Variants in ESPL1 observed in about 807,000 individuals in gnomAD.
ESPL1 encodes separin.
A neutral mutation model predicts 217.2 loss-of-function variants in ESPL1; 50 were observed. The ratio of observed to expected loss-of-function variants is 0.23; its 90% CI spans 0.18 to 0.29. ESPL1 has a LOEUF of 0.29. Ranked by LOEUF, ESPL1 falls within the 10% of genes least tolerant of loss-of-function variation. The pLI is 1.00. For synonymous variants in ESPL1, 994 were observed against 1,081.3 expected (o/e 0.92, Z 1.58); for missense variants, 1,834 against 2,603.0 (o/e 0.70, Z 6.43).
In ESPL1 at chr12:53,274,973, G is replaced by A; in HGVS notation, c.1663G>A (p.Asp555Asn). The change falls in exon 7 of 31, where the codon GAT (aspartate) becomes AAT (asparagine). Residue 555 changes from aspartate to asparagine, a missense_variant. This residue lies in a region of ESPL1 where 746 missense variants were observed against 1,077.0 expected (regional missense o/e 0.69). Transcript: ENST00000257934. ...CACTTTCTGGGTTCGGGTCAAGATGGATGCGGCCAGGGCTGGAGACAAGGA... is the reference window on the plus strand; with the variant it reads ...CACTTTCTGGGTTCGGGTCAAGATGAATGCGGCCAGGGCTGGAGACAAGGA... ...PVTFWVRVKM[D>N]AARAGDKELQ... 1 of 1,575,246 alleles carries A rather than the reference G, an allele frequency of 6.3e-7. No homozygotes were observed.
Position 53,286,156 on chromosome 12 carries a change from G to A in ESPL1, c.3420G>A (p.Leu1140=), listed in dbSNP as rs1210397166. The stretch of plus-strand genomic sequence containing the variant: ...AGCCCCAGCCCATACCCAACTTCCT[G>A]TCCCATTCACCCACCTGTGACTGCT... ...KTKPQPIPNF[L]SHSPTCDCSL... is the part of the protein sequence containing the mutation. Residue 1140 remains leucine, a synonymous_variant, in exon 18 of 31, where the codon CTG becomes CTA. Coordinates refer to ENST00000257934, the MANE Select transcript of ESPL1 (RefSeq NM_012291.5). The surrounding 1 kb of genome is among the most constrained non-coding windows in gnomAD (Gnocchi z 5.3). 6.2e-7 allele frequency: 1 copy of A among 1,614,212 alleles called. No homozygotes were observed. Among genetic ancestry groups the A allele is most frequent in the Admixed American group, 1.7e-5 (1 of 60,022 alleles).
intron 7 of ESPL1, among the ~76,000 whole-genome samples, chr12:53,276,213 A>G (rs991117339): frequency 6.6e-6 from 1 of 152,210 alleles, no homozygotes; most frequent in East Asian, 1.9e-4. Flanking sequence ...CTAAAAAAAA[A>G]CAAACAAAAA....
At chr12:53,270,520 T>C (rs562850739) in intron 4 of ESPL1, 38 bp downstream of exon 4, 43 of 1,574,520 alleles carry the variant, frequency 2.7e-5, no homozygotes, top group Middle Eastern at 1.7e-4. Flanking sequence ...ACTAGGCTCA[T>C]AGGGTTTGGG....
rs2120870903 is a variant in ESPL1, at chr12:53,269,675, C to G, written c.733C>G (p.Pro245Ala). Residue 245 changes from proline to alanine, a missense_variant, in exon 3 of 31, where the codon CCC (proline) becomes GCC (alanine). By Grantham distance (27) the Pro-to-Ala change is conservative. Around this residue, in one of 5 missense-constraint regions of ESPL1, gnomAD observed 746 missense variants for 1,077.0 expected, o/e 0.69. Coordinates refer to ENST00000257934, the MANE Select transcript of ESPL1 (RefSeq NM_012291.5). This position sits in a 1 kb window ranked among gnomAD's most constrained non-coding sequence, Gnocchi z 6.7. ...AGGGAGCTCTTCTGGGCTTCTTTCT[C>G]CCCAGAGGGCCCTCTGCCTCTTGGA... ...ERGSSSGLLS[P>A]QRALCLLELT... 1 of 1,614,160 alleles carries G rather than the reference C, an allele frequency of 6.2e-7. No individual in the cohort carries two copies. The highest frequency in any genetic ancestry group is 1.6e-4 in the Middle Eastern group (1 of 6,062).
chr12:53,288,270 A>G lies in ESPL1; in HGVS notation c.4475A>G (p.Glu1492Gly). ...ATCATGAGGACCATCCCTGAGGAAG[A>G]ACTGACTGACAACTGGAGAAAAATG... The part of the protein sequence containing the change: ...PEIMRTIPEE[E>G]LTDNWRKMSF... Residue 1492 changes from glutamate to glycine, a missense_variant, in exon 19 of 31, where the codon GAA becomes GGA. Glu to Gly is a moderately conservative substitution (Grantham distance 98). This residue lies in a region of ESPL1 where 681 missense variants were observed against 808.0 expected (regional missense o/e 0.84). Transcript: ENST00000257934. 1 of 1,607,262 alleles carries G rather than the reference A, an allele frequency of 6.2e-7. No homozygotes were observed. The highest frequency in any genetic ancestry group is 1.1e-5 in the South Asian group (1 of 90,000).
At position 53,286,692 on chromosome 12, in the gene ESPL1, G is replaced by T; in HGVS notation, c.3956G>T (p.Gly1319Val). 2.5e-6 allele frequency: 4 copies of T among 1,614,128 alleles called. No homozygotes were observed. Among genetic ancestry groups the T allele is most frequent in the Non-Finnish European group, 3.4e-6 (4 of 1,180,024 alleles). The part of the protein sequence containing the change: ...KTQGQKRSGR[G>V]RQKLASAPLR... ...CAGGGCCAAAAACGTTCTGGACGAG[G>T]GCGCCAAAAGTTAGCCTCTGCTCCC... The change falls in exon 18 of 31, where the codon GGG (glycine) becomes GTG (valine). Residue 1319 changes from glycine to valine, a missense_variant. Physicochemically the swap from Gly to Val is moderately radical, Grantham distance 109. Coordinates refer to ENST00000257934, the MANE Select transcript of ESPL1 (RefSeq NM_012291.5). This position sits in a 1 kb window ranked among gnomAD's most constrained non-coding sequence, Gnocchi z 5.3.
intron 5 of ESPL1, 71 bp downstream of exon 5, chr12:53,270,869 T>G: frequency 6.4e-7 from 1 of 1,564,738 alleles, no homozygotes. Context: ...GAATAGTACT[T>G]GCTGCGTGGT....
Position 53,282,550 on chromosome 12 carries a change from A to T in ESPL1, c.2791+115A>T. On this transcript the variant is annotated intron_variant, in intron 14 of 30. Transcript: ENST00000257934. The surrounding 1 kb of genome is among the most constrained non-coding windows in gnomAD (Gnocchi z 4.0). ...TAACTATGTGGCCCAGCCTACCTAGAACCTGCACAGAGTAGGCCTGGGATA... is the reference window on the plus strand; with the variant it reads ...TAACTATGTGGCCCAGCCTACCTAGTACCTGCACAGAGTAGGCCTGGGATA... The T allele has an allele frequency of 2.1e-6, 2 of 944,258 alleles. No individual in the cohort carries two copies. Among genetic ancestry groups the T allele is most frequent in the South Asian group, 3.1e-5 (2 of 63,740 alleles). The allele number at this position is 944,258 out of a possible 1,614,324, so 58.5% of individuals were successfully genotyped here.
At chr12:53,273,057 G>T (rs953355514) in intron 6 of ESPL1, among the ~76,000 whole-genome samples, 200 bp downstream of exon 6, 9 of 131,642 alleles carry the variant, frequency 6.8e-5, no homozygotes, top group African/African-American at 1.8e-4. Flanking sequence ...TTTTTTTTGA[G>T]ACGAGTCTCG....
Position 53,286,124 on chromosome 12 carries a change from A to C in ESPL1, c.3388A>C (p.Lys1130Gln). 2 of 1,614,010 alleles carry C rather than the reference A, an allele frequency of 1.2e-6. No individual in the cohort carries two copies. The highest frequency in any genetic ancestry group is 8.5e-7 in the Non-Finnish European group (1 of 1,179,872). ...TTCTACAAACTCCTCCCCAGTCTTG[A>C]AAACCAAGCCCCAGCCCATACCCAA... The part of the protein sequence containing the change: ...APSTNSSPVL[K>Q]TKPQPIPNFL... Residue 1130 changes from lysine (K) to glutamine (Q), a missense_variant, in exon 18 of 31, where the codon AAA becomes CAA. Physicochemically the swap from Lys to Gln is moderately conservative, Grantham distance 53 (BLOSUM62 1). This residue lies in a region of ESPL1 where 681 missense variants were observed against 808.0 expected (regional missense o/e 0.84). Transcript: ENST00000257934. The surrounding 1 kb of genome is among the most constrained non-coding windows in gnomAD (Gnocchi z 5.3).
At position 53,289,598 on chromosome 12, in the gene ESPL1, T is replaced by G. The variant is rs746659325; in HGVS notation, c.5113+4T>G. 8 of 1,611,452 alleles carry G rather than the reference T, an allele frequency of 5.0e-6. No individual in the cohort carries two copies. The highest frequency in any genetic ancestry group is 5.1e-6 in the Non-Finnish European group (6 of 1,178,888). ...CGCCTGGCTCTGATCCCCAGTGGTATGCGGGCAGCCTTCTGGCCGGCTCCT... is the reference window on the plus strand; with the variant it reads ...CGCCTGGCTCTGATCCCCAGTGGTAGGCGGGCAGCCTTCTGGCCGGCTCCT... On this transcript the variant is annotated splice_donor_region_variant and intron_variant, in intron 22 of 30. Transcript: ENST00000257934.
chr12:53,293,526 C>A lies in ESPL1; in HGVS notation c.*52C>A. Reference sequence around the variant, plus strand: ...AGAAGCCTCATAACTGTTCTACCTCCAAGGTTAGATTTAATCCTTAGGATA... The same window carrying A: ...AGAAGCCTCATAACTGTTCTACCTCAAAGGTTAGATTTAATCCTTAGGATA... On this transcript the variant is annotated 3_prime_UTR_variant, in exon 31 of 31. Transcript: ENST00000257934. This position sits in a 1 kb window ranked among gnomAD's most constrained non-coding sequence, Gnocchi z 4.2. The A allele has an allele frequency of 7.4e-7, 1 of 1,345,588 alleles. No individual in the cohort carries two copies. The allele number at this position is 1,345,588 out of a possible 1,614,324, so 83.4% of individuals were successfully genotyped here. A position where few individuals can be genotyped will look rare whatever the true frequency, so the allele number is the denominator to read the frequency against.
chr12:53,277,073 C>T lies in ESPL1; in HGVS notation c.1941-10C>T, dbSNP rs754748110. ...AGTAGGCCCAGCTTAAGCACATCTTCTCCCTGCAGCTCTGCTCTGGATGCT... is the reference window on the plus strand; with the variant it reads ...AGTAGGCCCAGCTTAAGCACATCTTTTCCCTGCAGCTCTGCTCTGGATGCT... On this transcript the variant is annotated splice_polypyrimidine_tract_variant and intron_variant, in intron 8 of 30. Transcript: ENST00000257934. 3.7e-6 allele frequency: 6 copies of T among 1,610,310 alleles called. No homozygotes were observed. The highest frequency in any genetic ancestry group is 4.2e-6 in the Non-Finnish European group (5 of 1,177,440).
Position 53,286,953 on chromosome 12 carries a change from A to T in ESPL1, c.4176+41A>T, listed in dbSNP as rs1337959181. The T allele has an allele frequency of 1.9e-6, 3 of 1,548,382 alleles. No individual in the cohort carries two copies. The highest frequency in any genetic ancestry group is 2.6e-6 in the Non-Finnish European group (3 of 1,148,286). ...TGCTAGGTGGTGGTGATGGTGTTGG[A>T]TGGGGTTAGTCCTGGAGGAGAGTGT... On this transcript the variant is annotated intron_variant, in intron 18 of 30. Coordinates refer to ENST00000257934, the MANE Select transcript of ESPL1 (RefSeq NM_012291.5). The surrounding 1 kb of genome is among the most constrained non-coding windows in gnomAD (Gnocchi z 5.3).
At chr12:53,280,074 G>T (rs1020650603) in intron 12 of ESPL1, among the ~76,000 whole-genome samples, 4 of 152,198 alleles carry the variant, frequency 2.6e-5, no homozygotes, top group Non-Finnish European at 4.4e-5. Flanking sequence ...TGTTCATTAA[G>T]TTTACAGACT....
intron 6 of ESPL1, chr12:53,274,577 A>G: frequency 2.3e-6 from 1 of 430,930 alleles, no homozygotes; most frequent in South Asian, 2.6e-5. Flanking sequence ...CAGGAGAAGC[A>G]GGTTTTCAAG....
At chr12:53,291,097 G>A in intron 25 of ESPL1, 101 bp downstream of exon 25, 2 of 1,018,276 alleles carry the variant, frequency 2.0e-6, no homozygotes, top group Admixed American at 2.8e-5. Context: ...GAGCTCAGGA[G>A]CTCGAGACCA....
At chr12:53,278,096 G>A (rs1228442561) in intron 11 of ESPL1, 136 bp downstream of exon 11, 3 of 927,386 alleles carry the variant, frequency 3.2e-6, no homozygotes, top group African/African-American at 1.7e-5. Context: ...TGTATCACCA[G>A]TCTTATTTTA....
chr12:53,284,661 T>C (rs1943915980), intron 17 of ESPL1, among the ~76,000 whole-genome samples: 3 of 152,146 alleles, frequency 2.0e-5, no homozygotes, highest in African/African-American at 7.2e-5. Flanking sequence ...GTCCCAGACT[T>C]ACCCTAGTTC....
Sources: gnomAD v4.1 joint callset for allele counts (sites outside exome capture counted in the v4.1 genomes callset) on GRCh38, gnomAD v4.1.1 for gene constraint, gnomAD v4.1.1 regional missense constraint, Gnocchi (gnomAD v3.1) non-coding constraint, MANE v1.5 for transcripts, NCBI Gene and HGNC (gene_info 2026-07-23, HGNC 2026-07-21) for gene names.